Variants in TSPOAP1 observed in about 807,000 individuals in gnomAD.
The protein encoded by TSPOAP1 is peripheral-type benzodiazepine receptor-associated protein 1.
A neutral mutation model predicts 197.0 loss-of-function variants in TSPOAP1; 87 were observed. The observed-to-expected ratio is 0.44, with a 90% CI of 0.37 to 0.53. The LOEUF (loss-of-function observed/expected upper bound fraction) is 0.53. Among genes scored for constraint, TSPOAP1 ranks in the 20% least tolerant of loss-of-function variants. The probability of loss-of-function intolerance (pLI) is 0.00; values close to 1 mark genes in which losing one functional copy is unlikely to be tolerated. For synonymous variants in TSPOAP1, 913 were observed against 998.9 expected, an observed-to-expected ratio of 0.91 and a Z score of 1.62; for missense variants, 2,174 against 2,411.3, an observed-to-expected ratio of 0.90 and a Z score of 2.06.
chr17:58,315,420 G>A (rs1037822532), intron 16 of TSPOAP1, among the ~76,000 whole-genome samples: 3 of 152,206 alleles, frequency 2.0e-5, no homozygotes, highest in Non-Finnish European at 2.9e-5. Context: ...CACCCTGAGA[G>A]AGTCTCCCAA....
At chr17:58,314,517 T>C (rs1971161484) in intron 16 of TSPOAP1, among the ~76,000 whole-genome samples, 2 of 151,232 alleles carry the variant, frequency 1.3e-5, no homozygotes, top group South Asian at 4.2e-4. Context: ...GAGACTGGAG[T>C]GAGGTGGCCA....
intron 16 of TSPOAP1, 114 bp downstream of exon 16, chr17:58,315,909 A>T (rs1971215020): frequency 1.2e-6 from 1 of 801,462 alleles, no homozygotes; most frequent in Non-Finnish European, 2.1e-6. Flanking sequence ...GGATGGATGG[A>T]TGGATGGATG....
At chr17:58,307,355 C>A in intron 24 of TSPOAP1, 1 of 561,644 alleles carries the variant, frequency 1.8e-6, no homozygotes, top group Non-Finnish European at 3.2e-6. Context: ...ATCATTTAAT[C>A]CACAAAACAC....
chr17:58,308,553 C>A lies in TSPOAP1; in HGVS notation c.4719G>T (p.Glu1573Asp). Residue 1573 changes from glutamate to aspartate, a missense_variant, in exon 22 of 32, where the codon GAG becomes GAT. Around this residue, in one of 5 missense-constraint regions of TSPOAP1, gnomAD observed 1,933 missense variants for 2,139.0 expected, o/e 0.90. Transcript: ENST00000343736. The part of the protein sequence containing the change: ...RGRSATGRAK[E>D]PLSRATETGE... ...AGTGAGCACGGACCCGGGAGAGTGG[C>A]TCCTTGGCTCTGCCCGTCGCACTGC... 1 of 1,534,266 alleles carries A rather than the reference C, an allele frequency of 6.5e-7. No homozygotes were observed. Among genetic ancestry groups the A allele is most frequent in the Non-Finnish European group, 8.8e-7 (1 of 1,139,156 alleles).
In TSPOAP1 at chr17:58,322,696, C is replaced by T; in HGVS notation, c.1275G>A (p.Gln425=). 1 of 1,612,312 alleles carries T rather than the reference C, an allele frequency of 6.2e-7. No homozygotes were observed. The highest frequency in any genetic ancestry group is 8.5e-7 in the Non-Finnish European group (1 of 1,179,978). The change falls in exon 9 of 32, where the codon CAG becomes CAA. Residue 425 remains glutamine, a synonymous_variant. Coordinates refer to ENST00000343736, the MANE Select transcript of TSPOAP1 (RefSeq NM_004758.4). The surrounding 1 kb of genome is among the most constrained non-coding windows in gnomAD (Gnocchi z 5.0). ...GGCTCTCCAGCTTGCTCTGCAGGCCCTGGCTCTTGCGAAGGGCTGAGTCCC... is the reference window on the plus strand; with the variant it reads ...GGCTCTCCAGCTTGCTCTGCAGGCCTTGGCTCTTGCGAAGGGCTGAGTCCC... ...QERDSALRKS[Q]GLQSKLESLE...
intron 10 of TSPOAP1, chr17:58,321,979 A>G (rs1280808696): frequency 3.3e-6 from 1 of 302,148 alleles, no homozygotes; most frequent in Non-Finnish European, 6.2e-6. Flanking sequence ...CCTGCCACAG[A>G]GCATGTGCAT....
In TSPOAP1 at chr17:58,327,781, G is replaced by A. The variant is rs775766343; in HGVS notation, c.140C>T (p.Pro47Leu). ...SAAPSIADTP[P>L]AALQLQELRS... The stretch of plus-strand genomic sequence containing the variant: ...CAGTTCTTGAAGCTGCAGAGCTGCC[G>A]GAGGAGTATCAGCGATGCTTGGGGC... Residue 47 changes from proline (P) to leucine (L), a missense_variant, in exon 1 of 32, where the codon CCG becomes CTG. Pro to Leu is a moderately conservative substitution (Grantham distance 98, BLOSUM62 -3). Around this residue, in one of 5 missense-constraint regions of TSPOAP1, gnomAD observed 1,933 missense variants for 2,139.0 expected, o/e 0.90. Coordinates refer to ENST00000343736, the MANE Select transcript of TSPOAP1 (RefSeq NM_004758.4). The A allele has an allele frequency of 5.1e-5, 83 of 1,614,080 alleles. No homozygotes were observed. The highest frequency in any genetic ancestry group is 2.0e-4 in the East Asian group (9 of 44,908).
In TSPOAP1 at chr17:58,304,416, AAG is replaced by A. The variant is rs780663224; in HGVS notation, c.5545-19_5545-18del. 84 of 1,611,634 alleles carry A rather than the reference AAG, an allele frequency of 5.2e-5. No homozygotes were observed. The South Asian group carries it at 8.0e-4, about 15-fold the overall frequency. ...CCTCGTTCTCTGAGGACAGGGAACA[AAG>A]AGAGGAGATGGGTTACCGACAGACC... is the stretch of plus-strand genomic sequence containing the variant. On this transcript the variant is annotated intron_variant, in intron 30 of 31. Transcript: ENST00000343736. The surrounding 1 kb of genome is among the most constrained non-coding windows in gnomAD (Gnocchi z 4.2).
At chr17:58,325,033 A>T in intron 4 of TSPOAP1, 31 bp from the exon 5 acceptor site, 1 of 1,490,746 alleles carries the variant, frequency 6.7e-7, no homozygotes. Flanking sequence ...CAGGGAGGGG[A>T]CTCAGGCCTA....
In TSPOAP1 at chr17:58,305,884, T is replaced by C. The variant is rs756210553; in HGVS notation, c.5225-19A>G. ...GACTCAGCTGTGGAAAGAATGTGCC[T>C]GTGAGCCCCCTCCCACCCTGCCCAC... On this transcript the variant is annotated intron_variant, in intron 26 of 31. Transcript: ENST00000343736. 17 of 1,611,308 alleles carry C rather than the reference T, an allele frequency of 1.1e-5. No individual in the cohort carries two copies. Among genetic ancestry groups the C allele is most frequent in the Admixed American group, 1.7e-5 (1 of 59,932 alleles).
chr17:58,320,529 A>G lies in TSPOAP1; in HGVS notation c.1473+2T>C. On this transcript the variant is annotated splice_donor_variant, in intron 11 of 31. Coordinates refer to ENST00000343736, the MANE Select transcript of TSPOAP1 (RefSeq NM_004758.4). LOFTEE classifies it high-confidence loss of function. The stretch of plus-strand genomic sequence containing the variant: ...ACTGGGGGCCACTTCCAGGCGCCCT[A>G]CCTCCAGCAGCTGCACGGCTCCTTC... 6.6e-7 allele frequency: 1 copy of G among 1,510,364 alleles called. No individual in the cohort carries two copies. The highest frequency in any genetic ancestry group is 8.9e-7 in the Non-Finnish European group (1 of 1,129,830). 93.6% of individuals were successfully genotyped at this position (1,510,364 alleles called of 1,614,324 possible).
chr17:58,318,330 A>T lies in TSPOAP1; in HGVS notation c.1822T>A (p.Ser608Thr), dbSNP rs374338855. ...CTGTTGTGGATGGACTCGGAGTGGG[A>T]GGAGTTGGAGAGAGACTCTGCCTTC... Reference protein sequence around the residue: ...AKKAESLSNSSHSESIHNSPK... With the variant: ...AKKAESLSNSTHSESIHNSPK... Residue 608 changes from serine (S) to threonine (T), a missense_variant, in exon 14 of 32, where the codon TCC becomes ACC. Physicochemically the swap from Ser to Thr is moderately conservative, Grantham distance 58. Coordinates refer to ENST00000343736, the MANE Select transcript of TSPOAP1 (RefSeq NM_004758.4). 1.1e-4 allele frequency: 181 copies of T among 1,614,016 alleles called. No homozygotes were observed. Among genetic ancestry groups the T allele is most frequent in the Non-Finnish European group, 1.5e-4 (175 of 1,180,026 alleles).
intron 16 of TSPOAP1, among the ~76,000 whole-genome samples, chr17:58,314,097 G>C (rs979594814): frequency 6.6e-6 from 1 of 152,192 alleles, no homozygotes; most frequent in Non-Finnish European, 1.5e-5. Flanking sequence ...CAGGGCTTAG[G>C]GGAGAGGGGT....
chr17:58,314,702 G>A (rs1348528169), intron 16 of TSPOAP1, among the ~76,000 whole-genome samples: 1 of 152,246 alleles, frequency 6.6e-6, no homozygotes, highest in African/African-American at 2.4e-5. Context: ...TATGGTAATT[G>A]CTCCTGCAGC....
At chr17:58,325,485 G>A (rs758808693) in intron 4 of TSPOAP1, 49 bp downstream of exon 4, 2 of 1,602,348 alleles carry the variant, frequency 1.2e-6, no homozygotes, top group Non-Finnish European at 1.7e-6. Context: ...ACAGGCAGAT[G>A]GCCCTGTGCA....
Position 58,310,962 on chromosome 17 carries a change from G to A in TSPOAP1, c.3333C>T (p.Asp1111=), listed in dbSNP as rs762869458. 9.5e-6 allele frequency: 15 copies of A among 1,586,454 alleles called. No homozygotes were observed. Among genetic ancestry groups the A allele is most frequent in the Non-Finnish European group, 1.2e-5 (14 of 1,167,896 alleles). The part of the protein sequence containing the change: ...PLASASPGPG[D]PSSPLQHPAP... ...CAGGGTGCTGGAGAGGAGAGCTGGG[G>A]TCTCCAGGCCCTGGGGAGGCTGAAG... Residue 1111 remains aspartate, a synonymous_variant, in exon 19 of 32, where the codon GAC becomes GAT. Transcript: ENST00000343736.
intron 20 of TSPOAP1, 115 bp from the exon 21 acceptor site, chr17:58,310,273 GC>G: frequency 8.1e-7 from 1 of 1,230,456 alleles, no homozygotes; most frequent in Non-Finnish European, 1.1e-6. Context: ...GGGAGAAAGA[GC>G]CATGTCCTAA....
rs1971218964 is a variant in TSPOAP1, at chr17:58,315,940, G to GATGA, written c.2098+82_2098+83insTCAT. On this transcript the variant is annotated intron_variant, in intron 16 of 31. Coordinates refer to ENST00000343736, the MANE Select transcript of TSPOAP1 (RefSeq NM_004758.4). ...GGATGGATGGATGGATGAATGGATG[G>GATGA]ATGGATGGATGGATATCCGTCTTTG... 9 of 978,316 alleles carry GATGA rather than the reference G, an allele frequency of 9.2e-6. No homozygotes were observed. The East Asian group carries it at 1.5e-4, about 16-fold the overall frequency. 60.6% of individuals were successfully genotyped at this position (978,316 alleles called of 1,614,324 possible).
At position 58,304,059 on chromosome 17, in the gene TSPOAP1, T is replaced by G; in HGVS notation, c.*32+279A>C. On this transcript the variant is annotated intron_variant, in intron 31 of 31. Transcript: ENST00000343736. The surrounding 1 kb of genome is among the most constrained non-coding windows in gnomAD (Gnocchi z 4.2). ...CATGTTCTATAAACCACATGTGTTA[T>G]AGAATAGGAAGCATCAGCTAATATG... 1 of 402,030 alleles carries G rather than the reference T, an allele frequency of 2.5e-6. No homozygotes were observed. The allele number at this position is 402,030 out of a possible 1,614,324, so 24.9% of individuals were successfully genotyped here. A position where few individuals can be genotyped will look rare whatever the true frequency, so the allele number is the denominator to read the frequency against.
Sources: gnomAD v4.1 joint callset for allele counts (sites outside exome capture counted in the v4.1 genomes callset) on GRCh38, gnomAD v4.1.1 for gene constraint, gnomAD v4.1.1 regional missense constraint, Gnocchi (gnomAD v3.1) non-coding constraint, MANE v1.5 for transcripts, NCBI Gene and HGNC (gene_info 2026-07-23, HGNC 2026-07-21) for gene names.